Variants in FAT4 observed in about 807,000 individuals in gnomAD.
The protein encoded by FAT4 is FAT atypical cadherin 4.
In FAT4, 84 loss-of-function variants were observed where a neutral mutation model predicts 303.9. That is an observed-to-expected ratio of 0.28 (90% CI 0.23 to 0.33). The LOEUF (loss-of-function observed/expected upper bound fraction) is 0.33. FAT4 is among the 10% of genes least tolerant of loss of function. FAT4 has a pLI of 1.00. For missense variants in FAT4, 6,005 were observed against 6,146.8 expected, an observed-to-expected ratio of 0.98 and a Z score of 0.77; for synonymous variants, 2,307 against 2,298.8, an observed-to-expected ratio of 1.00 and a Z score of -0.10.
chr4:125,479,585 T>A (rs1027685507), intron 14 of FAT4, among the ~76,000 whole-genome samples, 156 bp from the exon 15 acceptor site: 2 of 152,178 alleles, frequency 1.3e-5, no homozygotes, highest in Non-Finnish European at 2.9e-5. Flanking sequence ...TAGGAAAACT[T>A]CTGGTTTGAT....
chr4:125,392,567 A>G, intron 2 of FAT4, among the ~76,000 whole-genome samples: 1 of 152,194 alleles, frequency 6.6e-6, no homozygotes, highest in Admixed American at 6.5e-5. Flanking sequence ...ACTGATATTT[A>G]CAGAGAATTT....
rs143165405 is a variant in FAT4, at chr4:125,418,615, AC to A, written c.7018+1994del. On this transcript the variant is annotated intron_variant, in intron 7 of 17. Transcript: ENST00000394329. ...AGATAATTAAATTGCTAAACAGACT[AC>A]AATTCCATTACTGATGATATGTTGC... Among the ~76,000 whole-genome samples, 874 of 152,302 alleles carry A rather than the reference AC, an allele frequency of 5.7e-3. 39 individuals are homozygous for A. In the East Asian group the frequency reaches 0.082, roughly 14 times the overall value.
chr4:125,451,044 A>G lies in FAT4; in HGVS notation c.10034A>G (p.Lys3345Arg), dbSNP rs370182439. 5.6e-6 allele frequency: 9 copies of G among 1,614,078 alleles called. No homozygotes were observed. Among genetic ancestry groups the G allele is most frequent in the Middle Eastern group, 1.6e-4 (1 of 6,062 alleles). The part of the protein sequence containing the change: ...VHYLIFGNSR[K>R]KGFQINKKTG... ...TATTTGATTTTTGGTAATAGTCGAA[A>G]GAAGGGTTTCCAGATCAATAAGAAG... The change falls in exon 10 of 18, where the codon AAG becomes AGG. Residue 3345 changes from lysine (K) to arginine (R), a missense_variant. Transcript: ENST00000394329.
chr4:125,407,178 T>C, intron 4 of FAT4, 37 bp downstream of exon 4: 1 of 1,570,894 alleles, frequency 6.4e-7, no homozygotes, highest in Non-Finnish European at 8.7e-7. Flanking sequence ...TTTGCAAGAA[T>C]CGCTTTTGAA....
chr4:125,489,828 C>T lies in FAT4; in HGVS notation c.13085-73C>T, dbSNP rs1008639257. 11 of 1,254,770 alleles carry T rather than the reference C, an allele frequency of 8.8e-6. No homozygotes were observed. In the African/African-American group the frequency reaches 1.6e-4, roughly 18 times the overall value. 77.7% of individuals were successfully genotyped at this position (1,254,770 alleles called of 1,614,324 possible). ...TGTGGAGCTTCTCTTTACAAGAACC[C>T]AGCAGTGTAGTATAAGCTCTTTTTT... On this transcript the variant is annotated intron_variant, in intron 17 of 17. Transcript: ENST00000394329.
chr4:125,389,722 T>A (rs1417632537), intron 2 of FAT4, among the ~76,000 whole-genome samples: 1 of 152,168 alleles, frequency 6.6e-6, no homozygotes, highest in Non-Finnish European at 1.5e-5. Flanking sequence ...CTTTCAGTAA[T>A]ACCATCAAGA....
At chr4:125,407,412 G>C (rs1385210505) in intron 4 of FAT4, among the ~76,000 whole-genome samples, 2 of 151,832 alleles carry the variant, frequency 1.3e-5, no homozygotes, top group African/African-American at 4.8e-5. Flanking sequence ...GTCAATCACA[G>C]TTTTGGTACT....
intron 2 of FAT4, among the ~76,000 whole-genome samples, chr4:125,326,882 G>A (rs1198430051): frequency 3.9e-5 from 6 of 151,970 alleles, no homozygotes; most frequent in South Asian, 2.1e-4. Flanking sequence ...AAAATTTGCC[G>A]GGCATGGTGG....
At position 125,318,966 on chromosome 4, in the gene FAT4, A is replaced by G. The variant is rs2125941924; in HGVS notation, c.2555A>G (p.Asn852Ser). ...GTCACTGGGCAGCTTACCACAGCAA[A>G]TGTGATTGATAGAGAAGAGCAATCC... ...NQVTGQLTTA[N>S]VIDREEQSFY... The change falls in exon 2 of 18, where the codon AAT (asparagine) becomes AGT (serine). Residue 852 changes from asparagine to serine, a missense_variant. By Grantham distance (46) the Asn-to-Ser change is conservative. Coordinates refer to ENST00000394329, the MANE Select transcript of FAT4 (RefSeq NM_001291303.3). 3 of 1,614,208 alleles carry G rather than the reference A, an allele frequency of 1.9e-6. No individual in the cohort carries two copies. Among genetic ancestry groups the G allele is most frequent in the East Asian group, 2.2e-5 (1 of 44,880 alleles).
chr4:125,389,302 A>G (rs879620970), intron 2 of FAT4, among the ~76,000 whole-genome samples: 2 of 152,150 alleles, frequency 1.3e-5, no homozygotes, highest in African/African-American at 4.8e-5. Flanking sequence ...TCCAATTCCC[A>G]TATTGTATGT....
intron 2 of FAT4, among the ~76,000 whole-genome samples, chr4:125,351,550 TGTC>T (rs1232832290): frequency 6.6e-6 from 1 of 151,756 alleles, no homozygotes; most frequent in Non-Finnish European, 1.5e-5. Flanking sequence ...CATTTCTCTC[TGTC>T]TTCACAATAA....
chr4:125,437,752 A>G (rs1424854690), intron 8 of FAT4, among the ~76,000 whole-genome samples: 1 of 152,216 alleles, frequency 6.6e-6, no homozygotes, highest in South Asian at 2.1e-4. Flanking sequence ...GCTTAACATT[A>G]AGAGTAGAAC....
At position 125,318,274 on chromosome 4, in the gene FAT4, C is replaced by T. The variant is rs1730736381; in HGVS notation, c.1863C>T (p.Ser621=). The T allele has an allele frequency of 6.2e-7, 1 of 1,614,194 alleles. No individual in the cohort carries two copies. Among genetic ancestry groups the T allele is most frequent in the African/African-American group, 1.3e-5 (1 of 75,050 alleles). Residue 621 remains serine, a synonymous_variant, in exon 2 of 18, where the codon TCC becomes TCT. Coordinates refer to ENST00000394329, the MANE Select transcript of FAT4 (RefSeq NM_001291303.3). The stretch of plus-strand genomic sequence containing the variant: ...GTGACAACGGAACAGTGCGCTTCTC[C>T]TTACAAGAGGCAGAGACTGACCGGA... ...DLGDNGTVRF[S]LQEAETDRRS... is the part of the protein sequence containing the mutation.
In FAT4 at chr4:125,393,784, A is replaced by G. The variant is rs140913058; in HGVS notation, c.5176-5000A>G. On this transcript the variant is annotated intron_variant, in intron 2 of 17. Coordinates refer to ENST00000394329, the MANE Select transcript of FAT4 (RefSeq NM_001291303.3). ...AAATTTTACTTTTATAAAATTACCA[A>G]AAGACAGATCATTTGTGAACTAATT... Among the ~76,000 whole-genome samples, 854 of 152,330 alleles carry G rather than the reference A, an allele frequency of 5.6e-3. 1 individual carries two copies. Among genetic ancestry groups the G allele is most frequent in the African/African-American group, 0.019 (781 of 41,580 alleles).
intron 15 of FAT4, among the ~76,000 whole-genome samples, chr4:125,480,182 CT>C (rs1324440628): frequency 6.6e-6 from 1 of 151,752 alleles, no homozygotes; most frequent in Admixed American, 6.6e-5. Context: ...TATAGTTAGG[CT>C]TTTTTTCATA....
In FAT4 at chr4:125,393,333, G is replaced by T. The variant is rs1423955647; in HGVS notation, c.5176-5451G>T. Among the ~76,000 whole-genome samples, 10 of 152,238 alleles carry T rather than the reference G, an allele frequency of 6.6e-5. No homozygotes were observed. In the East Asian group the frequency reaches 1.7e-3, roughly 27 times the overall value. ...ATTATCAGTTTATTAACAGGGGAAT[G>T]AACTCATAATGGACTTTGCTATTTT... On this transcript the variant is annotated intron_variant, in intron 2 of 17. Transcript: ENST00000394329.
chr4:125,453,975 G>T (rs1354172983), intron 10 of FAT4, among the ~76,000 whole-genome samples: 1 of 152,164 alleles, frequency 6.6e-6, no homozygotes, highest in Non-Finnish European at 1.5e-5. Context: ...AGTGGTTGAT[G>T]TTCCTTCAAA....
Position 125,320,771 on chromosome 4 carries a change from C to G in FAT4, c.4360C>G (p.Gln1454Glu). Reference protein sequence around the residue: ...AHDPDADINGQLSYTIIQQMP... With the variant: ...AHDPDADINGELSYTIIQQMP... Reference sequence around the variant, plus strand: ...TGACCCTGATGCAGACATTAATGGTCAACTATCCTACACAATCATTCAACA... The same window carrying G: ...TGACCCTGATGCAGACATTAATGGTGAACTATCCTACACAATCATTCAACA... Residue 1454 changes from glutamine (Q) to glutamate (E), a missense_variant, in exon 2 of 18, where the codon CAA (glutamine) becomes GAA (glutamate). Physicochemically the swap from Gln to Glu is conservative, Grantham distance 29. Transcript: ENST00000394329. 2 of 1,614,108 alleles carry G rather than the reference C, an allele frequency of 1.2e-6. No homozygotes were observed. Among genetic ancestry groups the G allele is most frequent in the Non-Finnish European group, 1.7e-6 (2 of 1,179,976 alleles).
chr4:125,411,752 A>AAT lies in FAT4; in HGVS notation c.5920+2965_5920+2966dup, dbSNP rs1256519548. On this transcript the variant is annotated intron_variant, in intron 5 of 17. Transcript: ENST00000394329. ...TTTATATATATTTTTATATATTTAT[A>AAT]ATATATATTTTATGTGCTGTGCTTC... is the stretch of plus-strand genomic sequence containing the variant. 6.7e-5 allele frequency among the ~76,000 whole-genome samples: 10 copies of AAT among 148,342 alleles called. No homozygotes were observed. In the East Asian group the frequency reaches 1.9e-3, roughly 29 times the overall value.
Sources: gnomAD v4.1 joint callset for allele counts (sites outside exome capture counted in the v4.1 genomes callset) on GRCh38, gnomAD v4.1.1 for gene constraint, MANE v1.5 for transcripts, NCBI Gene and HGNC (gene_info 2026-07-23, HGNC 2026-07-21) for gene names.